Variants in CCDC171 observed in about 807,000 individuals in gnomAD.
CCDC171 encodes the protein coiled-coil domain containing 171.
A neutral mutation model predicts 168.2 loss-of-function variants in CCDC171; 177 were observed. That is an observed-to-expected ratio of 1.05 (90% CI 0.93 to 1.19). The LOEUF (loss-of-function observed/expected upper bound fraction) is 1.19, where lower values mean the gene tolerates loss of function less well. Ranked by LOEUF, CCDC171 falls within the 50% of genes most tolerant of loss-of-function variation. The pLI is 0.00. For synonymous variants in CCDC171, 687 were observed against 540.8 expected (o/e 1.27, Z -3.75); for missense variants, 1,991 against 1,539.0 (o/e 1.29, Z -4.91).
chr9:15,922,490 G>C (rs1363216238), intron 25 of CCDC171, among the ~76,000 whole-genome samples: 1 of 151,598 alleles, frequency 6.6e-6, no homozygotes, highest in Non-Finnish European at 1.5e-5. Flanking sequence ...ATACTATCAG[G>C]TGTAAATAAC....
rs1393179584 is a variant in CCDC171 at position 15,784,650 on chromosome 9, A to G, written c.3223A>G (p.Ser1075Gly). The G allele has an allele frequency of 1.3e-5, 21 of 1,613,412 alleles. No homozygotes were observed. The highest frequency in any genetic ancestry group is 1.8e-5 in the Non-Finnish European group (21 of 1,179,610). ...ELNYKLELHS[S>G]EEADKNQTLG... ...GAATTATAAACTTGAATTGCACTCC[A>G]GTGAGGAAGCTGACAAAAACCAAAC... The change falls in exon 21 of 26, where the codon AGT (serine) becomes GGT (glycine). Residue 1075 changes from serine to glycine, a missense_variant. Physicochemically the swap from Ser to Gly is moderately conservative, Grantham distance 56. Transcript: ENST00000380701.
chr9:15,771,214 AG>A (rs2056996280), intron 18 of CCDC171, among the ~76,000 whole-genome samples: 1 of 152,144 alleles, frequency 6.6e-6, no homozygotes, highest in African/African-American at 2.4e-5. Context: ...ATACTTGTGC[AG>A]TTATTTCTTG....
chr9:15,844,201 T>C (rs562823004), intron 21 of CCDC171, among the ~76,000 whole-genome samples: 1 of 151,986 alleles, frequency 6.6e-6, no homozygotes, highest in East Asian at 1.9e-4. Context: ...AATATTAGAG[T>C]CCATAAAGTT....
intron 21 of CCDC171, among the ~76,000 whole-genome samples, chr9:15,845,184 T>C (rs148574421): frequency 6.6e-6 from 1 of 152,236 alleles, no homozygotes; most frequent in African/African-American, 2.4e-5. Context: ...TTAGTGTCTT[T>C]ATCTTAGCAT....
intron 25 of CCDC171, among the ~76,000 whole-genome samples, chr9:15,958,654 C>A (rs1830050919): frequency 6.6e-6 from 1 of 151,642 alleles, no homozygotes; most frequent in African/African-American, 2.4e-5. Context: ...ATGAAGAAGC[C>A]TCCTTCTAAA....
intron 7 of CCDC171, among the ~76,000 whole-genome samples, chr9:15,648,540 T>A (rs1187203941): frequency 6.6e-6 from 1 of 152,192 alleles, no homozygotes; most frequent in East Asian, 1.9e-4. Context: ...GATAAGCAAT[T>A]TCAGCAAAGT....
intron 25 of CCDC171, among the ~76,000 whole-genome samples, chr9:15,942,487 G>A (rs1827843712): frequency 1.3e-5 from 2 of 151,802 alleles, no homozygotes; most frequent in African/African-American, 4.8e-5. Flanking sequence ...GCTGTTGTGT[G>A]GGTTGTATTT....
intron 23 of CCDC171, among the ~76,000 whole-genome samples, chr9:15,855,380 C>G (rs1174782478): frequency 6.6e-6 from 1 of 151,814 alleles, no homozygotes; most frequent in Admixed American, 6.6e-5. Flanking sequence ...CTCTTGGTTA[C>G]TGTTTGCGTG....
chr9:16,010,028 A>T (rs1451158392), intron 3 of CCDC171, among the ~76,000 whole-genome samples: 1 of 152,238 alleles, frequency 6.6e-6, no homozygotes, highest in African/African-American at 2.4e-5. Flanking sequence ...GAACCATTTC[A>T]TAGTGTGAGT....
chr9:15,625,639 A>T (rs200225117), intron 7 of CCDC171, among the ~76,000 whole-genome samples: 29 of 151,884 alleles, frequency 1.9e-4, no homozygotes, highest in Non-Finnish European at 2.9e-4. Flanking sequence ...ATGTGTGCTA[A>T]TATTTCTGAG....
intron 25 of CCDC171, among the ~76,000 whole-genome samples, chr9:15,932,154 T>A (rs1826605753): frequency 6.6e-6 from 1 of 151,926 alleles, no homozygotes; most frequent in South Asian, 2.1e-4. Flanking sequence ...AAGAATGTCA[T>A]TGGTCTTTTG....
At chr9:16,095,947 A>G in the CCDC171 span, among the ~76,000 whole-genome samples, 7 of 147,230 alleles carry the variant, frequency 4.8e-5, no homozygotes, top group Non-Finnish European at 8.9e-5. Context: ...TCTATATATA[A>G]TATCTAGTGC....
chr9:15,927,703 A>C (rs1247037239), intron 25 of CCDC171, among the ~76,000 whole-genome samples: 1 of 151,662 alleles, frequency 6.6e-6, no homozygotes, highest in East Asian at 1.9e-4. Context: ...TGAATTGTTT[A>C]GATATTTTGG....
At chr9:15,808,046 C>T (rs78974155) in intron 21 of CCDC171, among the ~76,000 whole-genome samples, 4,709 of 151,884 alleles carry the variant, frequency 0.031, 257 homozygotes, top group African/African-American at 0.11. Flanking sequence ...AATCTGGTTC[C>T]TGTTATTTCA....
intron 7 of CCDC171, among the ~76,000 whole-genome samples, chr9:15,635,645 C>T (rs925688982): frequency 3.3e-5 from 5 of 152,198 alleles, no homozygotes; most frequent in Admixed American, 2.6e-4. Context: ...CTCACAGACA[C>T]ACCTAGGAAC....
At chr9:15,630,446 T>G (rs1244526230) in intron 7 of CCDC171, among the ~76,000 whole-genome samples, 2 of 152,006 alleles carry the variant, frequency 1.3e-5, no homozygotes, top group African/African-American at 2.4e-5. Flanking sequence ...TACATAATGG[T>G]AAAAGGATCA....
rs1034141129 is a variant in CCDC171 at position 15,599,663 on chromosome 9, T to C, written c.675+5491T>C. Among the ~76,000 whole-genome samples, 4 of 152,088 alleles carry C rather than the reference T, an allele frequency of 2.6e-5. No individual in the cohort carries two copies. In the East Asian group the frequency reaches 7.7e-4, roughly 29 times the overall value. ...CCTTTCGAGGAGTATCTTTGTGGCA[T>C]TTTCTGTATTTCTTGAATCTGAATG... On this transcript the variant is annotated intron_variant, in intron 6 of 25. Coordinates refer to ENST00000380701, the MANE Select transcript of CCDC171 (RefSeq NM_173550.4).
intron 1 of CCDC171, among the ~76,000 whole-genome samples, chr9:16,054,537 C>G (rs1018033662): frequency 1.3e-5 from 2 of 152,174 alleles, no homozygotes; most frequent in African/African-American, 2.4e-5. Context: ...GCCTTCCCCA[C>G]TAGGACCTGG....
At chr9:15,956,486 G>A (rs536829244) in intron 25 of CCDC171, among the ~76,000 whole-genome samples, 1 of 152,148 alleles carries the variant, frequency 6.6e-6, no homozygotes, top group Non-Finnish European at 1.5e-5. Context: ...CTTTACAAAT[G>A]TAGGTTTCCG....
Sources: allele counts gnomAD v4.1 joint callset (sites outside exome capture counted in the v4.1 genomes callset), GRCh38; gene constraint gnomAD v4.1.1; transcripts MANE v1.5; gene names NCBI Gene and HGNC (gene_info 2026-07-23, HGNC 2026-07-21).